The following CACNG2 variants were observed in gnomAD, a reference collection of about 807,000 sequenced individuals.
The protein encoded by CACNG2 is calcium voltage-gated channel auxiliary subunit gamma 2, also known as voltage-dependent calcium channel gamma-2 subunit.
In CACNG2, 3 loss-of-function variants were observed where a neutral mutation model predicts 25.9. The ratio of observed to expected loss-of-function variants is 0.12; its 90% confidence interval spans 0.05 to 0.30. The LOEUF is 0.30. Ranked by LOEUF, CACNG2 falls within the 10% of genes least tolerant of loss-of-function variation. CACNG2 has a pLI of 1.00. For missense variants in CACNG2, 341 were observed against 432.5 expected, an observed-to-expected ratio of 0.79 and a Z score of 1.88; for synonymous variants, 167 against 173.3, an observed-to-expected ratio of 0.96 and a Z score of 0.29.
Position 36,564,358 on chromosome 22 carries a change from G to C in CACNG2, c.965C>G (p.Pro322Arg). 6.2e-7 allele frequency: 1 copy of C among 1,613,568 alleles called. No individual in the cohort carries two copies. The highest frequency in any genetic ancestry group is 8.5e-7 in the Non-Finnish European group (1 of 1,179,766). The change falls in exon 4 of 4, where the codon CCC (proline) becomes CGC (arginine). Residue 322 changes from proline (P) to arginine (R), a missense_variant. By Grantham distance (103) the Pro-to-Arg change is moderately radical. Around this residue, in one of 2 missense-constraint regions of CACNG2, gnomAD observed 172 missense variants for 178.1 expected, o/e 0.97. Coordinates refer to ENST00000300105, the MANE Select transcript of CACNG2 (RefSeq NM_006078.5). The surrounding 1 kb of genome is among the most constrained non-coding windows in gnomAD (Gnocchi z 6.7). ...HSNTANRRTT[P>R]V Reference sequence around the variant, plus strand: ...TGGCGAGGCCCGCGGTCTTTATACGGGGGTGGTCCGGCGGTTGGCTGTGTT... The same window carrying C: ...TGGCGAGGCCCGCGGTCTTTATACGCGGGTGGTCCGGCGGTTGGCTGTGTT...
chr22:36,667,465 C>G (rs980326543), intron 1 of CACNG2, among the ~76,000 whole-genome samples: 1 of 152,226 alleles, frequency 6.6e-6, no homozygotes, highest in Non-Finnish European at 1.5e-5. Context: ...GACCACCCCC[C>G]ACTCCAGGCC....
At chr22:36,597,478 C>T (rs1007445718) in intron 1 of CACNG2, among the ~76,000 whole-genome samples, 3 of 152,158 alleles carry the variant, frequency 2.0e-5, no homozygotes, top group African/African-American at 7.2e-5. Flanking sequence ...TGTAAGAAGG[C>T]AATATCAGTC....
intron 1 of CACNG2, among the ~76,000 whole-genome samples, chr22:36,618,207 G>A (rs758110907): frequency 3.9e-5 from 6 of 152,202 alleles, no homozygotes; most frequent in Non-Finnish European, 8.8e-5. Context: ...TTCTTCCCAA[G>A]AGGAACTTGC....
chr22:36,620,717 C>G (rs759209542), intron 1 of CACNG2, among the ~76,000 whole-genome samples: 8 of 152,222 alleles, frequency 5.3e-5, no homozygotes. Context: ...ACGTCAGACA[C>G]ACACATTAAA....
rs1159679758 is a variant in CACNG2, at chr22:36,606,280, T to C, written c.212-18732A>G. 1.3e-5 allele frequency among the ~76,000 whole-genome samples: 2 copies of C among 152,176 alleles called. No homozygotes were observed. Among genetic ancestry groups the C allele is most frequent in the African/African-American group, 2.4e-5 (1 of 41,442 alleles). Reference sequence around the variant, plus strand: ...TGAAACCACAAGGGCAGCGAGGGCGTTGGCTGGTCGCCGGGAACAAGCTGC... The same window carrying C: ...TGAAACCACAAGGGCAGCGAGGGCGCTGGCTGGTCGCCGGGAACAAGCTGC... On this transcript the variant is annotated intron_variant, in intron 1 of 3. Transcript: ENST00000300105. This position sits in a 1 kb window ranked among gnomAD's most constrained non-coding sequence, Gnocchi z 5.7.
At chr22:36,624,478 T>G (rs963106903) in intron 1 of CACNG2, among the ~76,000 whole-genome samples, 1 of 152,194 alleles carries the variant, frequency 6.6e-6, no homozygotes, top group African/African-American at 2.4e-5. Flanking sequence ...GAGCCTGGAC[T>G]TGAACCCAGG....
At position 36,564,527 on chromosome 22, in the gene CACNG2, T is replaced by C; in HGVS notation, c.796A>G (p.Thr266Ala). The C allele has an allele frequency of 6.2e-7, 1 of 1,614,090 alleles. No individual in the cohort carries two copies. The highest frequency in any genetic ancestry group is 1.1e-5 in the South Asian group (1 of 91,080). ...GIKGFNTLPS[T>A]EISMYTLSRD... ...CTGAGCGTGTACATGGAGATCTCCG[T>C]GGACGGCAGGGTGTTGAAGCCCTTG... is the stretch of plus-strand genomic sequence containing the variant. The change falls in exon 4 of 4, where the codon ACG (threonine) becomes GCG (alanine). Residue 266 changes from threonine (T) to alanine (A), a missense_variant. Around this residue, in one of 2 missense-constraint regions of CACNG2, gnomAD observed 172 missense variants for 178.1 expected, o/e 0.97. Transcript: ENST00000300105. The surrounding 1 kb of genome is among the most constrained non-coding windows in gnomAD (Gnocchi z 6.7).
At chr22:36,582,588 T>C (rs1310179711) in intron 2 of CACNG2, among the ~76,000 whole-genome samples, 1 of 151,230 alleles carries the variant, frequency 6.6e-6, no homozygotes, top group African/African-American at 2.4e-5. Context: ...TTGGTATTTT[T>C]AGTAGAGACG....
At chr22:36,692,712 T>C (rs1345864625) in intron 1 of CACNG2, among the ~76,000 whole-genome samples, 1 of 152,208 alleles carries the variant, frequency 6.6e-6, no homozygotes. Context: ...CCAAGCACTT[T>C]CTTAGTGCCA....
At chr22:36,654,469 T>G (rs1936675179) in intron 1 of CACNG2, among the ~76,000 whole-genome samples, 1 of 152,034 alleles carries the variant, frequency 6.6e-6, no homozygotes, top group Non-Finnish European at 1.5e-5. Flanking sequence ...TGGGCCCAAG[T>G]GATCCTCCTG....
At chr22:36,635,283 CA>C (rs138390510) in intron 1 of CACNG2, among the ~76,000 whole-genome samples, 8,074 of 67,574 alleles carry the variant, frequency 0.12, 569 homozygotes, top group African/African-American at 0.28. Flanking sequence ...GACCCCGTCT[CA>C]AAAAAAAAAA....
intron 1 of CACNG2, among the ~76,000 whole-genome samples, chr22:36,647,384 T>C (rs1217527046): frequency 6.6e-6 from 1 of 152,048 alleles, no homozygotes; most frequent in African/African-American, 2.4e-5. Context: ...TCACCTGAGG[T>C]CAAGAGTTTG....
At chr22:36,684,102 G>C (rs567906255) in intron 1 of CACNG2, among the ~76,000 whole-genome samples, 5 of 152,182 alleles carry the variant, frequency 3.3e-5, no homozygotes, top group Admixed American at 2.6e-4. Flanking sequence ...TTCAAACCCC[G>C]TGGATGGTTT....
chr22:36,667,340 G>A lies in CACNG2; in HGVS notation c.211+35026C>T, dbSNP rs145408644. ...TGGAACTCACCACTTCTTCTTTTGC[G>A]CTGCACTGAGCCCCTCTCTGGGTTT... On this transcript the variant is annotated intron_variant, in intron 1 of 3. Transcript: ENST00000300105. Among the ~76,000 whole-genome samples, 98 of 152,204 alleles carry A rather than the reference G, an allele frequency of 6.4e-4. 1 individual carries two copies. In the East Asian group the frequency reaches 0.017, roughly 27 times the overall value.
intron 1 of CACNG2, among the ~76,000 whole-genome samples, chr22:36,665,705 G>A (rs9610558): frequency 0.32 from 49,400 of 152,040 alleles, 8,288 homozygotes; most frequent in Middle Eastern, 0.43. Flanking sequence ...AACTATCAAA[G>A]CAAACAAACA....
chr22:36,663,623 C>G (rs139001201), intron 1 of CACNG2, among the ~76,000 whole-genome samples: 2 of 152,114 alleles, frequency 1.3e-5, no homozygotes, highest in Non-Finnish European at 2.9e-5. Context: ...ATTAATGCGT[C>G]GCGAGGGGGC....
At chr22:36,651,908 G>C (rs1017130339) in intron 1 of CACNG2, among the ~76,000 whole-genome samples, 1 of 152,234 alleles carries the variant, frequency 6.6e-6, no homozygotes, top group South Asian at 2.1e-4. Context: ...CTGTTGCCCA[G>C]GTTGGAGTGC....
intron 1 of CACNG2, among the ~76,000 whole-genome samples, chr22:36,594,743 G>A (rs1452987326): frequency 6.6e-6 from 1 of 151,528 alleles, no homozygotes; most frequent in Non-Finnish European, 1.5e-5. Flanking sequence ...GTGTGCATGG[G>A]TGTGTGTGCG....
chr22:36,680,168 TCACCACCATTAC>T (rs1937082552), intron 1 of CACNG2, among the ~76,000 whole-genome samples: 1 of 118,344 alleles, frequency 8.4e-6, no homozygotes, highest in South Asian at 3.2e-4. Context: ...ACCATCACCG[TCACCACCATTAC>T]CACCACCATC....
Sources: allele counts gnomAD v4.1 joint callset (sites outside exome capture counted in the v4.1 genomes callset), GRCh38; gene constraint gnomAD v4.1.1; regional missense constraint gnomAD v4.1.1; non-coding constraint Gnocchi (gnomAD v3.1); transcripts MANE v1.5; gene names NCBI Gene and HGNC (gene_info 2026-07-23, HGNC 2026-07-21).